Variants in TK2 observed in about 807,000 individuals in gnomAD.
TK2 encodes the protein thymidine kinase 2.
Under a neutral mutation model 41.9 loss-of-function variants are expected in TK2, and 35 were observed. The ratio of observed to expected loss-of-function variants is 0.84; its 90% CI spans 0.64 to 1.11. The LOEUF is 1.11. Ranked by LOEUF, TK2 falls within the 50% of genes least tolerant of loss-of-function variation. The pLI, the probability that TK2 is intolerant of heterozygous loss-of-function variation, is 0.00. For missense variants in TK2, 320 were observed against 351.1 expected (o/e 0.91, Z 0.71); for synonymous variants, 128 against 129.1 (o/e 0.99, Z 0.06).
chr16:66,530,731 T>C (rs1049118623), intron 5 of TK2, among the ~76,000 whole-genome samples: 10 of 151,806 alleles, frequency 6.6e-5, no homozygotes, highest in African/African-American at 2.4e-4. Flanking sequence ...TTTTTTTTTT[T>C]TTTTGAGACA....
intron 6 of TK2, among the ~76,000 whole-genome samples, chr16:66,523,855 A>C (rs181069297): frequency 7.9e-5 from 12 of 152,130 alleles, no homozygotes; most frequent in Non-Finnish European, 1.2e-4. Context: ...AACAAAAAAC[A>C]AAAAAACCCC....
Position 66,517,094 on chromosome 16 carries a change from G to T in TK2, c.618+42C>A, listed in dbSNP as rs1162230559. 1 of 1,580,840 alleles carries T rather than the reference G, an allele frequency of 6.3e-7. No individual in the cohort carries two copies. The highest frequency in any genetic ancestry group is 2.2e-5 in the East Asian group (1 of 44,708). ...GAGGAAGCCGGGTTGGACAGAGGTG[G>T]TTTCCCAGTTTGTCTTTAACCAAGT... On this transcript the variant is annotated intron_variant, in intron 8 of 9. Transcript: ENST00000544898. The surrounding 1 kb of genome is among the most constrained non-coding windows in gnomAD (Gnocchi z 4.3).
At chr16:66,522,411 C>T (rs930009831) in intron 6 of TK2, among the ~76,000 whole-genome samples, 6 of 152,354 alleles carry the variant, frequency 3.9e-5, no homozygotes, top group Admixed American at 2.0e-4. Context: ...TCCCACTCCA[C>T]GCCCTCACTT....
At chr16:66,549,658 T>C in intron 1 of TK2, 1 of 1,209,382 alleles carries the variant, frequency 8.3e-7, no homozygotes, top group Non-Finnish European at 1.0e-6. Context: ...AGGAAATGGG[T>C]CGGGGGACCG....
At chr16:66,541,016 A>C (rs1965440651) in intron 3 of TK2, among the ~76,000 whole-genome samples, 1 of 152,266 alleles carries the variant, frequency 6.6e-6, no homozygotes, top group Non-Finnish European at 1.5e-5. Context: ...CCAAACTCCA[A>C]AACTTTCTGG....
At chr16:66,528,226 G>A (rs566335085) in intron 6 of TK2, among the ~76,000 whole-genome samples, 4 of 152,234 alleles carry the variant, frequency 2.6e-5, no homozygotes, top group South Asian at 2.1e-4. Context: ...TCCCAAGCTC[G>A]CGGCAGGGAC....
chr16:66,513,231 A>G (rs1280587786), intron 9 of TK2, among the ~76,000 whole-genome samples: 1 of 152,210 alleles, frequency 6.6e-6, no homozygotes, highest in East Asian at 1.9e-4. Flanking sequence ...TTACTGTAAA[A>G]AGTAAACACA....
chr16:66,548,916 T>G, intron 2 of TK2, 62 bp downstream of exon 2: 3 of 1,514,804 alleles, frequency 2.0e-6, no homozygotes, highest in Non-Finnish European at 2.7e-6. Context: ...ACTCTGCTTT[T>G]TTCTCTCTCC....
In TK2 at chr16:66,536,945, C is replaced by T. The variant is rs1367273503; in HGVS notation, c.285+19G>A. ...CTTAAGGGGAAGCCGGGGGTTCATGCAACCAACAACCCACTCACCAGAGGA... is the reference window on the plus strand; with the variant it reads ...CTTAAGGGGAAGCCGGGGGTTCATGTAACCAACAACCCACTCACCAGAGGA... On this transcript the variant is annotated intron_variant, in intron 4 of 9. Coordinates refer to ENST00000544898, the MANE Select transcript of TK2 (RefSeq NM_004614.5). The T allele has an allele frequency of 2.5e-6, 4 of 1,614,018 alleles. No individual in the cohort carries two copies. Among genetic ancestry groups the T allele is most frequent in the Non-Finnish European group, 3.4e-6 (4 of 1,179,984 alleles).
chr16:66,540,230 C>T (rs991814605), intron 3 of TK2, among the ~76,000 whole-genome samples: 49 of 142,998 alleles, frequency 3.4e-4, no homozygotes, highest in African/African-American at 1.2e-3. Context: ...TGGAGTTCAA[C>T]GGCACAGTCC....
intron 5 of TK2, 89 bp from the exon 6 acceptor site, chr16:66,529,156 G>A: frequency 8.0e-7 from 1 of 1,252,390 alleles, no homozygotes; most frequent in East Asian, 2.3e-5. Context: ...CCCCCTGCCT[G>A]GGGACTTTGC....
chr16:66,534,848 T>G (rs980239787), intron 4 of TK2, among the ~76,000 whole-genome samples: 1 of 152,238 alleles, frequency 6.6e-6, no homozygotes, highest in Non-Finnish European at 1.5e-5. Context: ...TTAATTTTAT[T>G]TACTTTTATT....
intron 2 of TK2, among the ~76,000 whole-genome samples, chr16:66,547,688 A>T (rs1456728123): frequency 2.0e-5 from 3 of 148,624 alleles, no homozygotes; most frequent in African/African-American, 7.5e-5. Context: ...GACCTCCCCC[A>T]TCAGACAAAC....
intron 2 of TK2, among the ~76,000 whole-genome samples, chr16:66,545,260 T>C (rs1965572473): frequency 6.6e-6 from 1 of 152,150 alleles, no homozygotes; most frequent in East Asian, 1.9e-4. Context: ...CACTCGTAAA[T>C]CTCAGCAATC....
chr16:66,547,877 C>T (rs769672322), intron 2 of TK2: 5 of 1,241,390 alleles, frequency 4.0e-6, no homozygotes, highest in African/African-American at 3.1e-5. Context: ...TGTCTGGGGG[C>T]ACATCAAACC....
rs143471083 is a variant in TK2 at position 66,513,200 on chromosome 16, T to C, written c.699+531A>G. Reference sequence around the variant, plus strand: ...ATCAATATCAGTCAGAAATGACACATGGCAGCAAGAGAAAGGAGGATTACT... The same window carrying C: ...ATCAATATCAGTCAGAAATGACACACGGCAGCAAGAGAAAGGAGGATTACT... On this transcript the variant is annotated intron_variant, in intron 9 of 9. Transcript: ENST00000544898. 3.5e-4 allele frequency among the ~76,000 whole-genome samples: 53 copies of C among 152,286 alleles called. 1 individual carries two copies. In the East Asian group the frequency reaches 7.0e-3, roughly 20 times the overall value.
At chr16:66,524,202 G>T (rs977002910) in intron 6 of TK2, among the ~76,000 whole-genome samples, 1 of 152,136 alleles carries the variant, frequency 6.6e-6, no homozygotes, top group Admixed American at 6.5e-5. Context: ...CCCTCAGGCC[G>T]AGGCTCTTGT....
chr16:66,510,549 GAGTCGGAGCATTGCATGCAC>G lies in TK2; in HGVS notation c.*1399_*1418del, dbSNP rs1016713229. 2.7e-4 allele frequency: 41 copies of G among 152,290 alleles called. No individual in the cohort carries two copies. Among genetic ancestry groups the G allele is most frequent in the Admixed American group, 2.0e-3 (31 of 15,282 alleles). 9.4% of individuals were successfully genotyped at this position (152,290 alleles called of 1,614,324 possible). A position where few individuals can be genotyped will look rare whatever the true frequency, so the allele number is the denominator to read the frequency against. The stretch of plus-strand genomic sequence containing the variant: ...AGCAGGGGCACTTGGCACCTCTGCA[GAGTCGGAGCATTGCATGCAC>G]AGGTGCCCACACTCACAGGGGCCTG... On this transcript the variant is annotated 3_prime_UTR_variant, in exon 10 of 10. Transcript: ENST00000544898.
intron 1 of TK2, chr16:66,549,308 A>G: frequency 8.3e-7 from 1 of 1,202,432 alleles, no homozygotes; most frequent in Non-Finnish European, 1.0e-6. Flanking sequence ...ATGTTAAGCA[A>G]GTGGAAAGGC....
Sources: allele counts gnomAD v4.1 joint callset (sites outside exome capture counted in the v4.1 genomes callset), GRCh38; gene constraint gnomAD v4.1.1; non-coding constraint Gnocchi (gnomAD v3.1); transcripts MANE v1.5; gene names NCBI Gene and HGNC (gene_info 2026-07-23, HGNC 2026-07-21).